KHDRBS2: variants seen among roughly 807,000 people sequenced by gnomAD.
The protein encoded by KHDRBS2 is KH domain-containing, RNA-binding, signal transduction-associated protein 2.
Under a neutral mutation model 44.3 loss-of-function variants are expected in KHDRBS2, and 26 were observed. The observed-to-expected ratio is 0.59, with a 90% confidence interval of 0.43 to 0.81. KHDRBS2 has a LOEUF of 0.81. KHDRBS2 is among the 40% of genes least tolerant of loss of function. KHDRBS2 has a pLI of 0.00. For synonymous variants in KHDRBS2, 194 were observed against 151.1 expected (o/e 1.28, Z -2.08); for missense variants, 476 against 433.1 (o/e 1.10, Z -0.88).
At chr6:61,666,991 G>GT in the KHDRBS2 span, among the ~76,000 whole-genome samples, 55,220 of 140,432 alleles carry the variant, frequency 0.39, 11,082 homozygotes, top group African/African-American at 0.45. Context: ...AACCTTCTGG[G>GT]TTTTTTTTTT....
At chr6:62,108,167 A>G (rs930830208) in intron 2 of KHDRBS2, among the ~76,000 whole-genome samples, 4 of 152,156 alleles carry the variant, frequency 2.6e-5, no homozygotes, top group African/African-American at 9.7e-5. Context: ...AACCTACAAA[A>G]TGGGAGAAAA....
chr6:61,934,320 T>A (rs1010758555), intron 4 of KHDRBS2, among the ~76,000 whole-genome samples: 3 of 152,232 alleles, frequency 2.0e-5, no homozygotes, highest in African/African-American at 7.2e-5. Context: ...TCCATTCGTC[T>A]GTTTTTGCTT....
chr6:61,764,722 GTTGT>G (rs1011910398), intron 6 of KHDRBS2, among the ~76,000 whole-genome samples: 9 of 151,956 alleles, frequency 5.9e-5, no homozygotes, highest in Non-Finnish European at 1.0e-4. Flanking sequence ...TTTCAATAGA[GTTGT>G]TTGTTTTTTT....
intron 7 of KHDRBS2, among the ~76,000 whole-genome samples, chr6:61,723,042 T>C (rs1323301614): frequency 6.6e-6 from 1 of 152,066 alleles, no homozygotes; most frequent in African/African-American, 2.4e-5. Flanking sequence ...ATCTTTGATG[T>C]TTTGCAGCTT....
rs772045138 is a variant in KHDRBS2, at chr6:62,283,956, G to GT, written c.91+1901dup. ...TAACCTCTTTGTTTCTTACTTAGAT[G>GT]TTTTTCTCTATTTAGGAGCTTTTCC... On this transcript the variant is annotated intron_variant, in intron 1 of 8. Coordinates refer to ENST00000281156, the MANE Select transcript of KHDRBS2 (RefSeq NM_152688.4). Among the ~76,000 whole-genome samples, 33 of 151,940 alleles carry GT rather than the reference G, an allele frequency of 2.2e-4. 1 individual carries two copies. The highest frequency in any genetic ancestry group is 2.0e-3 in the Admixed American group (30 of 15,262).
intron 2 of KHDRBS2, among the ~76,000 whole-genome samples, chr6:62,086,544 A>G (rs1448369206): frequency 6.6e-6 from 1 of 152,120 alleles, no homozygotes; most frequent in African/African-American, 2.4e-5. Context: ...ATAAATACAA[A>G]CTGAGCAACT....
the KHDRBS2 span, among the ~76,000 whole-genome samples, chr6:61,598,559 T>A: frequency 6.6e-6 from 1 of 152,106 alleles, no homozygotes; most frequent in African/African-American, 2.4e-5. Context: ...GATCAAAAAC[T>A]TTTTCCTGGG....
chr6:61,875,874 A>C (rs1476105063), intron 6 of KHDRBS2, among the ~76,000 whole-genome samples: 2 of 151,874 alleles, frequency 1.3e-5, no homozygotes, highest in Non-Finnish European at 2.9e-5. Context: ...TTATTTATTA[A>C]ATTATTATTT....
intron 6 of KHDRBS2, among the ~76,000 whole-genome samples, chr6:61,808,238 T>A (rs1332463857): frequency 6.6e-6 from 1 of 152,140 alleles, no homozygotes; most frequent in Non-Finnish European, 1.5e-5. Context: ...GAAAGTAGAA[T>A]TCATTTTCAA....
intron 2 of KHDRBS2, among the ~76,000 whole-genome samples, chr6:62,080,103 G>T (rs1272345201): frequency 6.6e-6 from 1 of 152,002 alleles, no homozygotes; most frequent in Non-Finnish European, 1.5e-5. Flanking sequence ...AGTGTTTTAT[G>T]ACTCTATAAA....
chr6:61,771,155 C>G (rs920692594), intron 6 of KHDRBS2, among the ~76,000 whole-genome samples: 1 of 152,100 alleles, frequency 6.6e-6, no homozygotes, highest in East Asian at 1.9e-4. Flanking sequence ...TTGTCACCAC[C>G]AGGCCTGCCC....
At chr6:61,559,486 C>T in the KHDRBS2 span, among the ~76,000 whole-genome samples, 1 of 151,884 alleles carries the variant, frequency 6.6e-6, no homozygotes, top group Non-Finnish European at 1.5e-5. Flanking sequence ...ATTTTGTGGT[C>T]TTCTCTTCTT....
chr6:61,989,263 T>C (rs1462333256), intron 3 of KHDRBS2, among the ~76,000 whole-genome samples: 1 of 152,144 alleles, frequency 6.6e-6, no homozygotes, highest in African/African-American at 2.4e-5. Flanking sequence ...CTCTTTAAAA[T>C]GTAAACATCA....
chr6:61,965,992 A>G (rs1769845517), intron 4 of KHDRBS2, among the ~76,000 whole-genome samples: 1 of 152,042 alleles, frequency 6.6e-6, no homozygotes, highest in African/African-American at 2.4e-5. Context: ...TCAGCAATAG[A>G]CAGAAAAGCC....
the KHDRBS2 span, among the ~76,000 whole-genome samples, chr6:61,549,048 C>A: frequency 6.6e-6 from 1 of 152,110 alleles, no homozygotes; most frequent in Admixed American, 6.6e-5. Context: ...ACACATGATT[C>A]TGAAAGAAAA....
the KHDRBS2 span, among the ~76,000 whole-genome samples, chr6:61,584,051 C>A: frequency 2.6e-5 from 4 of 151,498 alleles, no homozygotes; most frequent in East Asian, 7.7e-4. Flanking sequence ...TATTTATATT[C>A]TTTGTATCCT....
Position 61,839,376 on chromosome 6 carries a change from C to A in KHDRBS2, c.810+55259G>T, listed in dbSNP as rs1453652162. Among the ~76,000 whole-genome samples the A allele has an allele frequency of 3.3e-5, 5 of 151,940 alleles. No homozygotes were observed. The East Asian group carries it at 9.7e-4, about 29-fold the overall frequency. Reference sequence around the variant, plus strand: ...TACAAGGATATGACCAGTAGCTAACCAGCAAGTAATAGATATTTGTAACAG... The same window carrying A: ...TACAAGGATATGACCAGTAGCTAACAAGCAAGTAATAGATATTTGTAACAG... On this transcript the variant is annotated intron_variant, in intron 6 of 8. Transcript: ENST00000281156.
At chr6:61,687,549 T>G (rs1368199225) in intron 8 of KHDRBS2, among the ~76,000 whole-genome samples, 1 of 151,880 alleles carries the variant, frequency 6.6e-6, no homozygotes, top group African/African-American at 2.4e-5. Flanking sequence ...CCCAGAGTCT[T>G]ACAGATGTTC....
chr6:61,834,449 C>A (rs1197444339), intron 6 of KHDRBS2, among the ~76,000 whole-genome samples: 1 of 151,994 alleles, frequency 6.6e-6, no homozygotes, highest in Non-Finnish European at 1.5e-5. Context: ...AAGATGAGTT[C>A]TTTTACCTTT....
Sources: allele counts gnomAD v4.1 joint callset (sites outside exome capture counted in the v4.1 genomes callset), GRCh38; gene constraint gnomAD v4.1.1; transcripts MANE v1.5; gene names NCBI Gene and HGNC (gene_info 2026-07-23, HGNC 2026-07-21).